GDAP2: variants seen among roughly 807,000 people sequenced by gnomAD.
GDAP2 encodes ganglioside induced differentiation associated protein 2.
GDAP2 carries 51 observed loss-of-function variants against 67.0 expected under a neutral mutation model. The ratio of observed to expected loss-of-function variants is 0.76; its 90% CI spans 0.61 to 0.96. The LOEUF (loss-of-function observed/expected upper bound fraction) is 0.96, where lower values mean the gene tolerates loss of function less well. Among genes scored for constraint, GDAP2 ranks in the 40% least tolerant of loss-of-function variants. The pLI, the probability that GDAP2 is intolerant of heterozygous loss-of-function variation, is 0.00. For missense variants in GDAP2, 547 were observed against 588.3 expected, an observed-to-expected ratio of 0.93 and a Z score of 0.73; for synonymous variants, 203 against 207.3, an observed-to-expected ratio of 0.98 and a Z score of 0.18.
At chr1:117,874,492 G>A (rs955794301) in intron 13 of GDAP2, among the ~76,000 whole-genome samples, 1 of 152,150 alleles carries the variant, frequency 6.6e-6, no homozygotes, top group African/African-American at 2.4e-5. Flanking sequence ...CTGCAGAAAT[G>A]TGAGCCAAAT....
chr1:117,919,749 C>A (rs1227539872), intron 2 of GDAP2, among the ~76,000 whole-genome samples: 11 of 152,112 alleles, frequency 7.2e-5, no homozygotes. Context: ...TACTGATACA[C>A]ACAACACAGA....
In GDAP2 at chr1:117,868,357, T is replaced by C. The variant is rs1367735752; in HGVS notation, c.*2212A>G. On this transcript the variant is annotated 3_prime_UTR_variant, in exon 14 of 14. Coordinates refer to ENST00000369443, the MANE Select transcript of GDAP2 (RefSeq NM_017686.4). ...ATTGAATTATAAAACACAGTTGATA[T>C]GTATATAGTTCTGTATCACCTTTAT... 3 of 152,200 alleles carry C rather than the reference T, an allele frequency of 2.0e-5. No homozygotes were observed. Among genetic ancestry groups the C allele is most frequent in the East Asian group, 1.9e-4 (1 of 5,190 alleles). The allele number at this position is 152,200 out of a possible 1,614,324, so 9.4% of individuals were successfully genotyped here.
At position 117,888,033 on chromosome 1, in the gene GDAP2, G is replaced by A. The variant is rs553607394; in HGVS notation, c.954-259C>T. ...CTTATAATCAAATGAAGGTTGTACA[G>A]GTAAATGGCTAAGATACCAAGTATT... is the stretch of plus-strand genomic sequence containing the variant. On this transcript the variant is annotated intron_variant, in intron 8 of 13. Transcript: ENST00000369443. Among the ~76,000 whole-genome samples the A allele has an allele frequency of 1.6e-4, 24 of 152,178 alleles. No homozygotes were observed. In the East Asian group the frequency reaches 4.4e-3, roughly 28 times the overall value.
intron 1 of GDAP2, among the ~76,000 whole-genome samples, chr1:117,926,106 T>G (rs1650436055): frequency 6.6e-6 from 1 of 152,176 alleles, no homozygotes; most frequent in Non-Finnish European, 1.5e-5. Context: ...AATACTAAAC[T>G]CCTTTTTACC....
In GDAP2 at chr1:117,905,449, CA is replaced by C. The variant is rs536971516; in HGVS notation, c.636+1056del. 3.4e-3 allele frequency among the ~76,000 whole-genome samples: 517 copies of C among 152,268 alleles called. 1 individual carries two copies. Among genetic ancestry groups the C allele is most frequent in the Middle Eastern group, 0.014 (4 of 294 alleles). On this transcript the variant is annotated intron_variant, in intron 6 of 13. Coordinates refer to ENST00000369443, the MANE Select transcript of GDAP2 (RefSeq NM_017686.4). ...GCTGTCATTTGCCTCTCTCCCTCGG[CA>C]AATCTTATGTACCTTTTACAATTAT...
intron 13 of GDAP2, 87 bp from the exon 14 acceptor site, chr1:117,870,703 G>A (rs1225506948): frequency 5.5e-6 from 5 of 906,436 alleles, no homozygotes; most frequent in East Asian, 2.4e-5. Flanking sequence ...CAGTCATTGA[G>A]GTAGTGATAT....
intron 11 of GDAP2, 141 bp from the exon 12 acceptor site, chr1:117,882,018 A>C: frequency 1.7e-6 from 1 of 575,898 alleles, no homozygotes; most frequent in Non-Finnish European, 3.1e-6. Context: ...TACAGATTGA[A>C]TTTTAGGTGA....
intron 9 of GDAP2, among the ~76,000 whole-genome samples, chr1:117,887,048 C>A (rs1396825408): frequency 6.6e-6 from 1 of 152,124 alleles, no homozygotes; most frequent in African/African-American, 2.4e-5. Context: ...CCCATCTCAG[C>A]CTCCAAAGCA....
At chr1:117,914,906 T>C (rs1176877759) in intron 3 of GDAP2, among the ~76,000 whole-genome samples, 1 of 152,010 alleles carries the variant, frequency 6.6e-6, no homozygotes, top group Non-Finnish European at 1.5e-5. Flanking sequence ...GTAGATTTAC[T>C]CACAAAAATG....
intron 6 of GDAP2, among the ~76,000 whole-genome samples, chr1:117,901,308 A>G (rs1346350348): frequency 6.6e-6 from 1 of 152,212 alleles, no homozygotes; most frequent in African/African-American, 2.4e-5. Flanking sequence ...GCAATTATAA[A>G]TAATGCTACT....
intron 5 of GDAP2, among the ~76,000 whole-genome samples, chr1:117,908,803 C>T (rs527592618): frequency 4.6e-5 from 7 of 151,130 alleles, no homozygotes; most frequent in East Asian, 1.9e-4. Context: ...GCAGCCTGGG[C>T]GACAGTGTAT....
chr1:117,901,949 G>A (rs1332602359), intron 6 of GDAP2, among the ~76,000 whole-genome samples: 3 of 152,114 alleles, frequency 2.0e-5, no homozygotes, highest in Non-Finnish European at 2.9e-5. Context: ...GAGTCTGCTG[G>A]AATTATTCAA....
intron 11 of GDAP2, among the ~76,000 whole-genome samples, chr1:117,882,595 T>C (rs546741778): frequency 6.6e-5 from 10 of 152,288 alleles, no homozygotes; most frequent in South Asian, 2.1e-4. Context: ...GTCAGAGAAA[T>C]AGTACAAACT....
chr1:117,928,321 C>T (rs967375737), intron 1 of GDAP2, among the ~76,000 whole-genome samples: 3 of 152,156 alleles, frequency 2.0e-5, no homozygotes, highest in Admixed American at 6.5e-5. Context: ...ACCTAGTTTA[C>T]GTAACTGAAA....
chr1:117,916,449 G>C (rs1650047952), intron 3 of GDAP2, among the ~76,000 whole-genome samples: 1 of 152,152 alleles, frequency 6.6e-6, no homozygotes, highest in African/African-American at 2.4e-5. Flanking sequence ...TAGAATTTAA[G>C]TTTAATGAGA....
At chr1:117,896,672 T>G in intron 8 of GDAP2, 161 bp downstream of exon 8, 1 of 478,122 alleles carries the variant, frequency 2.1e-6, no homozygotes, top group Non-Finnish European at 3.6e-6. Flanking sequence ...TAACTTTGAG[T>G]TTTTGCACCT....
chr1:117,908,712 C>T (rs937764117), intron 5 of GDAP2, among the ~76,000 whole-genome samples: 5 of 151,972 alleles, frequency 3.3e-5, no homozygotes, highest in African/African-American at 7.3e-5. Flanking sequence ...GTAGTCCTAG[C>T]TACCTGGGGG....
chr1:117,889,297 T>A (rs1370989196), intron 8 of GDAP2, among the ~76,000 whole-genome samples: 1 of 151,592 alleles, frequency 6.6e-6, no homozygotes, highest in Non-Finnish European at 1.5e-5. Context: ...ACATATCCAT[T>A]ATCTCACATA....
intron 1 of GDAP2, among the ~76,000 whole-genome samples, chr1:117,922,578 A>G (rs1334019814): frequency 2.0e-5 from 3 of 152,198 alleles, no homozygotes; most frequent in Non-Finnish European, 4.4e-5. Context: ...GAAATTTTAA[A>G]GCTGGGTGTC....
Sources: gnomAD v4.1 joint callset for allele counts (sites outside exome capture counted in the v4.1 genomes callset) on GRCh38, gnomAD v4.1.1 for gene constraint, MANE v1.5 for transcripts, NCBI Gene and HGNC (gene_info 2026-07-23, HGNC 2026-07-21) for gene names.